PIP5K1B: variants seen among roughly 807,000 people sequenced by gnomAD.
The protein encoded by PIP5K1B is phosphatidylinositol 4-phosphate 5-kinase type-1 beta.
A neutral mutation model predicts 67.0 loss-of-function variants in PIP5K1B; 42 were observed. That is an observed-to-expected ratio of 0.63 (90% confidence interval 0.49 to 0.81). The LOEUF (loss-of-function observed/expected upper bound fraction) is 0.81. Ranked by LOEUF, PIP5K1B falls within the 30% of genes least tolerant of loss-of-function variation. PIP5K1B has a pLI of 0.00. For synonymous variants in PIP5K1B, 214 were observed against 231.4 expected, an observed-to-expected ratio of 0.92 and a Z score of 0.68; for missense variants, 459 against 646.3, an observed-to-expected ratio of 0.71 and a Z score of 3.14.
chr9:68,760,871 G>T lies in PIP5K1B; in HGVS notation c.-86+18214G>T, dbSNP rs546343767. ...AAGGTATTTTTGGCTTCATTCTAAA[G>T]AGTCCTATTCTCAAATTTTCCTGTT... On this transcript the variant is annotated intron_variant, in intron 2 of 15. Transcript: ENST00000265382. 1.8e-4 allele frequency among the ~76,000 whole-genome samples: 28 copies of T among 152,178 alleles called. No homozygotes were observed. In the South Asian group the frequency reaches 5.8e-3, roughly 32 times the overall value.
intron 4 of PIP5K1B, among the ~76,000 whole-genome samples, chr9:68,847,154 A>C (rs1039481753): frequency 2.6e-5 from 4 of 152,158 alleles, no homozygotes; most frequent in African/African-American, 7.2e-5. Context: ...AGTGAACACT[A>C]TCAGAGCACT....
chr9:68,987,854 A>G (rs558687056), intron 14 of PIP5K1B, among the ~76,000 whole-genome samples: 1 of 152,258 alleles, frequency 6.6e-6, no homozygotes, highest in East Asian at 1.9e-4. Flanking sequence ...GCACGGGGGA[A>G]ACCACCTCCA....
intron 4 of PIP5K1B, among the ~76,000 whole-genome samples, chr9:68,857,079 C>T (rs1822815489): frequency 6.6e-6 from 1 of 152,166 alleles, no homozygotes; most frequent in East Asian, 1.9e-4. Flanking sequence ...ATTCTGCTGG[C>T]TTTGAAGATG....
intron 4 of PIP5K1B, among the ~76,000 whole-genome samples, chr9:68,828,386 C>A (rs1834099582): frequency 6.6e-6 from 1 of 152,224 alleles, no homozygotes; most frequent in Non-Finnish European, 1.5e-5. Flanking sequence ...CACGTGCTCA[C>A]AGCATTCAGA....
chr9:68,818,064 CTG>C (rs1213034740), intron 2 of PIP5K1B, among the ~76,000 whole-genome samples: 1 of 152,188 alleles, frequency 6.6e-6, no homozygotes, highest in Non-Finnish European at 1.5e-5. Context: ...GGTGTCACCT[CTG>C]TGAAGATCCA....
intron 2 of PIP5K1B, among the ~76,000 whole-genome samples, chr9:68,768,969 T>C (rs1185399492): frequency 1.3e-5 from 2 of 152,220 alleles, no homozygotes; most frequent in Non-Finnish European, 2.9e-5. Context: ...AACAGTACTT[T>C]TAAAAATTAG....
intron 14 of PIP5K1B, among the ~76,000 whole-genome samples, chr9:68,972,853 G>C (rs1829453391): frequency 6.6e-6 from 1 of 152,108 alleles, no homozygotes; most frequent in African/African-American, 2.4e-5. Context: ...TTTTATAACA[G>C]TCAGCCTCAC....
At chr9:68,813,125 G>A (rs1480399424) in intron 2 of PIP5K1B, among the ~76,000 whole-genome samples, 1 of 152,196 alleles carries the variant, frequency 6.6e-6, no homozygotes, top group Admixed American at 6.5e-5. Flanking sequence ...TCCTACATAA[G>A]TGCAAAAGGA....
intron 15 of PIP5K1B, among the ~76,000 whole-genome samples, 155 bp downstream of exon 15, chr9:68,991,412 ACAAG>A (rs1201612037): frequency 6.6e-6 from 1 of 152,226 alleles, no homozygotes; most frequent in Non-Finnish European, 1.5e-5. Context: ...GCTTCTTTTC[ACAAG>A]CAATGTTTTC....
intron 1 of PIP5K1B, among the ~76,000 whole-genome samples, chr9:68,723,426 G>A (rs184785500): frequency 5.3e-5 from 8 of 151,108 alleles, no homozygotes; most frequent in Admixed American, 1.3e-4. Context: ...ATCGTTTTCC[G>A]TAATGGCTGT....
At chr9:68,798,058 T>C (rs981838739) in intron 2 of PIP5K1B, among the ~76,000 whole-genome samples, 3 of 151,744 alleles carry the variant, frequency 2.0e-5, no homozygotes, top group Non-Finnish European at 2.9e-5. Context: ...GTGGTTTTTT[T>C]TCATTCCCCG....
At chr9:68,779,047 T>G (rs541743556) in intron 2 of PIP5K1B, among the ~76,000 whole-genome samples, 1 of 152,182 alleles carries the variant, frequency 6.6e-6, no homozygotes, top group Non-Finnish European at 1.5e-5. Context: ...AGCCTGCGTT[T>G]CTCTATTTTC....
At chr9:68,742,144 TAAG>T (rs1435699027) in intron 1 of PIP5K1B, 1 of 152,216 alleles carries the variant, frequency 6.6e-6, no homozygotes, top group African/African-American at 2.4e-5. Flanking sequence ...GAGCCTATAT[TAAG>T]AAGTCCTACA....
At chr9:68,764,071 CTTCTTT>C (rs1361639569) in intron 2 of PIP5K1B, among the ~76,000 whole-genome samples, 2 of 122,586 alleles carry the variant, frequency 1.6e-5, no homozygotes, top group Non-Finnish European at 3.3e-5. Flanking sequence ...TCTACTATAA[CTTCTTT>C]TTTTTTTTTT....
At chr9:68,851,476 T>C (rs1215625661) in intron 4 of PIP5K1B, among the ~76,000 whole-genome samples, 1 of 152,208 alleles carries the variant, frequency 6.6e-6, no homozygotes, top group Non-Finnish European at 1.5e-5. Context: ...CTGCAGAAAT[T>C]ATATCAGAAA....
At chr9:68,839,273 T>C (rs1821787254) in intron 4 of PIP5K1B, among the ~76,000 whole-genome samples, 1 of 152,208 alleles carries the variant, frequency 6.6e-6, no homozygotes, top group Non-Finnish European at 1.5e-5. Flanking sequence ...GGTTGACTGC[T>C]AAATGCCATT....
rs916070244 is a variant in PIP5K1B at position 68,864,709 on chromosome 9, G to A, written c.200+742G>A. Among the ~76,000 whole-genome samples, 3 of 152,086 alleles carry A rather than the reference G, an allele frequency of 2.0e-5. No homozygotes were observed. The East Asian group carries it at 5.8e-4, about 29-fold the overall frequency. On this transcript the variant is annotated intron_variant, in intron 5 of 15. Coordinates refer to ENST00000265382, the MANE Select transcript of PIP5K1B (RefSeq NM_003558.4). The stretch of plus-strand genomic sequence containing the variant: ...TTCTATTACTACGTTCATTTAGGAA[G>A]AGAAGAAGTAATCATTAAATAAGTA...
intron 8 of PIP5K1B, among the ~76,000 whole-genome samples, chr9:68,896,001 A>T (rs1825064184): frequency 1.3e-5 from 2 of 151,424 alleles, no homozygotes; most frequent in African/African-American, 4.9e-5. Context: ...CACTCTGAGG[A>T]TTTTTTTTTA....
In PIP5K1B at chr9:68,863,867, C is replaced by T. The variant is rs1564191795; in HGVS notation, c.100C>T (p.Gln34Ter). ...ATCATCTGCTATTAAAGGTGCTATT[C>T]AGCTGGGAATAGGATACACAGTGGG... ...TASSAIKGAI[Q>*]LGIGYTVGNL... Residue 34 changes from glutamine to a stop codon, truncating the protein, a stop_gained, in exon 5 of 16, where the codon CAG (glutamine) becomes TAG (stop). Coordinates refer to ENST00000265382, the MANE Select transcript of PIP5K1B (RefSeq NM_003558.4). LOFTEE classifies it high-confidence loss of function. 1 of 1,613,706 alleles carries T rather than the reference C, an allele frequency of 6.2e-7. No individual in the cohort carries two copies.
Sources: gnomAD v4.1 joint callset for allele counts (sites outside exome capture counted in the v4.1 genomes callset) on GRCh38, gnomAD v4.1.1 for gene constraint, MANE v1.5 for transcripts, NCBI Gene and HGNC (gene_info 2026-07-23, HGNC 2026-07-21) for gene names.